The following KCTD16 variants were observed in gnomAD, a reference collection of about 807,000 sequenced individuals.
The protein encoded by KCTD16 is potassium channel tetramerization domain containing 16.
A neutral mutation model predicts 33.2 loss-of-function variants in KCTD16; 13 were observed. The observed-to-expected ratio is 0.39, with a 90% confidence interval of 0.25 to 0.62. The LOEUF is 0.62. Among genes scored for constraint, KCTD16 ranks in the 20% least tolerant of loss-of-function variants. KCTD16 has a pLI of 0.50. For missense variants in KCTD16, 441 were observed against 525.1 expected (o/e 0.84, Z 1.57); for synonymous variants, 197 against 195.3 (o/e 1.01, Z -0.07).
chr5:144,212,982 T>G (rs974009561), intron 3 of KCTD16, among the ~76,000 whole-genome samples: 1 of 152,164 alleles, frequency 6.6e-6, no homozygotes, highest in Admixed American at 6.5e-5. Flanking sequence ...ATCAATTCAT[T>G]TCTTTATCCA....
At chr5:144,364,537 G>A (rs1203227821) in intron 3 of KCTD16, among the ~76,000 whole-genome samples, 1 of 152,118 alleles carries the variant, frequency 6.6e-6, no homozygotes, top group Admixed American at 6.5e-5. Context: ...AATAAAGTGG[G>A]ACTTATTAAT....
chr5:144,444,001 A>G (rs1333907978), intron 3 of KCTD16, among the ~76,000 whole-genome samples: 2 of 152,150 alleles, frequency 1.3e-5, no homozygotes, highest in Admixed American at 6.6e-5. Context: ...GTAATAGGGT[A>G]TTCCAGGATT....
intron 3 of KCTD16, among the ~76,000 whole-genome samples, chr5:144,393,972 T>C (rs935772655): frequency 1.3e-5 from 2 of 149,970 alleles, no homozygotes; most frequent in Admixed American, 6.6e-5. Flanking sequence ...TCTTTTTTTT[T>C]TTTTTTTTGT....
intron 3 of KCTD16, among the ~76,000 whole-genome samples, chr5:144,335,325 C>A (rs1752460040): frequency 1.3e-5 from 2 of 152,306 alleles, no homozygotes; most frequent in South Asian, 2.1e-4. Flanking sequence ...AAAAATGTGA[C>A]CCACACCCAA....
intron 2 of KCTD16, among the ~76,000 whole-genome samples, chr5:144,190,553 C>T (rs996592984): frequency 1.3e-5 from 2 of 152,116 alleles, no homozygotes; most frequent in Admixed American, 6.5e-5. Flanking sequence ...ATTAATATTA[C>T]GATTGATTGT....
At chr5:144,201,940 G>A (rs1753052194) in intron 2 of KCTD16, among the ~76,000 whole-genome samples, 1 of 152,236 alleles carries the variant, frequency 6.6e-6, no homozygotes, top group African/African-American at 2.4e-5. Context: ...TGTTAGGAGT[G>A]AGAATGTAGA....
chr5:144,270,199 G>T (rs1755255125), intron 3 of KCTD16, among the ~76,000 whole-genome samples: 2 of 151,898 alleles, frequency 1.3e-5, no homozygotes, highest in South Asian at 4.1e-4. Context: ...TTAGCAGAAT[G>T]AATAAAGACA....
chr5:144,248,589 C>A (rs6866844), intron 3 of KCTD16, among the ~76,000 whole-genome samples: 1,526 of 152,234 alleles, frequency 0.01, 22 homozygotes, highest in African/African-American at 0.034. Flanking sequence ...AATAGACTGT[C>A]GAGAGATGTG....
chr5:144,173,437 A>G (rs894989080), intron 1 of KCTD16, among the ~76,000 whole-genome samples: 1 of 152,196 alleles, frequency 6.6e-6, no homozygotes, highest in Non-Finnish European at 1.5e-5. Flanking sequence ...TAATGAGAAC[A>G]CATGGACACA....
At chr5:144,225,874 A>G (rs1347693795) in intron 3 of KCTD16, among the ~76,000 whole-genome samples, 2 of 152,176 alleles carry the variant, frequency 1.3e-5, no homozygotes, top group Non-Finnish European at 2.9e-5. Flanking sequence ...TTTCATGTTA[A>G]TAACAGCTTT....
At chr5:144,262,553 A>G (rs1055889722) in intron 3 of KCTD16, among the ~76,000 whole-genome samples, 3 of 152,212 alleles carry the variant, frequency 2.0e-5, no homozygotes, top group Non-Finnish European at 4.4e-5. Context: ...AGGTTTTCCT[A>G]TACCTTATAA....
rs349703 is a variant in KCTD16, at chr5:144,475,519, G to A, written c.*1405G>A. The A allele has an allele frequency of 0.43, 65,417 of 152,452 alleles. 14,249 individuals are homozygous for A. The highest frequency in any genetic ancestry group is 0.67 in the East Asian group (3,468 of 5,168). 9.4% of individuals were successfully genotyped at this position (152,452 alleles called of 1,614,324 possible). On this transcript the variant is annotated 3_prime_UTR_variant, in exon 4 of 4. Transcript: ENST00000512467. The stretch of plus-strand genomic sequence containing the variant: ...CCATGTAACTCTGTATTTTACTAAG[G>A]TACCAATAGCTCTTTCATAGACTTG...
At chr5:144,336,247 G>T (rs751358475) in intron 3 of KCTD16, among the ~76,000 whole-genome samples, 1 of 152,164 alleles carries the variant, frequency 6.6e-6, no homozygotes, top group Non-Finnish European at 1.5e-5. Context: ...TTCCAGACAC[G>T]GCTTCTGACC....
intron 3 of KCTD16, among the ~76,000 whole-genome samples, chr5:144,276,098 T>G (rs1423508833): frequency 6.6e-6 from 1 of 152,218 alleles, no homozygotes; most frequent in East Asian, 1.9e-4. Context: ...GAATACATTT[T>G]CCCTTAAAGG....
chr5:144,320,219 C>T (rs1364241173), intron 3 of KCTD16, among the ~76,000 whole-genome samples: 2 of 152,128 alleles, frequency 1.3e-5, no homozygotes, highest in East Asian at 3.9e-4. Flanking sequence ...AAATTTAACA[C>T]TATGTACATT....
intron 2 of KCTD16, among the ~76,000 whole-genome samples, chr5:144,194,640 A>G (rs1752907386): frequency 6.6e-6 from 1 of 152,238 alleles, no homozygotes; most frequent in Non-Finnish European, 1.5e-5. Flanking sequence ...AGCATTTAAC[A>G]TGCATTATTT....
chr5:144,200,153 C>A (rs892635766), intron 2 of KCTD16, among the ~76,000 whole-genome samples: 1 of 125,556 alleles, frequency 8.0e-6, no homozygotes, highest in Non-Finnish European at 1.6e-5. Context: ...TTCAGAGTAG[C>A]ATAATTTTTT....
chr5:144,189,199 T>G (rs1432924858), intron 2 of KCTD16, among the ~76,000 whole-genome samples: 1 of 152,146 alleles, frequency 6.6e-6, no homozygotes, highest in Non-Finnish European at 1.5e-5. Context: ...GGATGAACTC[T>G]TGGGATCTCT....
In KCTD16 at chr5:144,403,295, T is replaced by C. The variant is rs1483858783; in HGVS notation, c.833-70365T>C. ...ACCTTATTTGGAAATAGCATCTTTG[T>C]AGATGTAATAAAGTTAAAATGAGAT... is the stretch of plus-strand genomic sequence containing the variant. On this transcript the variant is annotated intron_variant, in intron 3 of 3. Transcript: ENST00000512467. 2.6e-5 allele frequency among the ~76,000 whole-genome samples: 4 copies of C among 152,120 alleles called. No homozygotes were observed. In the East Asian group the frequency reaches 5.8e-4, roughly 22 times the overall value.
Sources: allele counts gnomAD v4.1 joint callset (sites outside exome capture counted in the v4.1 genomes callset), GRCh38; gene constraint gnomAD v4.1.1; transcripts MANE v1.5; gene names NCBI Gene and HGNC (gene_info 2026-07-23, HGNC 2026-07-21).